CXADR: variants seen among roughly 807,000 people sequenced by gnomAD.
CXADR encodes the protein coxsackievirus and adenovirus receptor.
A neutral mutation model predicts 40.3 loss-of-function variants in CXADR; 20 were observed. That is an observed-to-expected ratio of 0.50 (90% CI 0.35 to 0.72). CXADR has a LOEUF of 0.72. Among genes scored for constraint, CXADR ranks in the 30% least tolerant of loss-of-function variants. CXADR has a pLI of 0.01. For synonymous variants in CXADR, 150 were observed against 161.3 expected, an observed-to-expected ratio of 0.93 and a Z score of 0.53; for missense variants, 332 against 449.1, an observed-to-expected ratio of 0.74 and a Z score of 2.36.
intron 1 of CXADR, among the ~76,000 whole-genome samples, chr21:17,520,388 T>G (rs1269878610): frequency 1.3e-5 from 2 of 152,174 alleles, no homozygotes; most frequent in Non-Finnish European, 2.9e-5. Flanking sequence ...TCTGAATGAT[T>G]CTTACAAGGA....
At chr21:17,580,832 C>T (rs2776077) in intron 7 of CXADR, among the ~76,000 whole-genome samples, 26,000 of 151,976 alleles carry the variant, frequency 0.17, 2,585 homozygotes, top group East Asian at 0.22. Flanking sequence ...CTCACTGCAG[C>T]CTCAACCTCC....
the CXADR span, among the ~76,000 whole-genome samples, chr21:17,625,141 A>T: frequency 6.6e-6 from 1 of 152,116 alleles, no homozygotes; most frequent in African/African-American, 2.4e-5. Flanking sequence ...TTGAATCACC[A>T]AAAAAGCCCC....
rs2061072342 is a variant in CXADR at position 17,559,035 on chromosome 21, A to C, written c.475A>C (p.Lys159Gln). The C allele has an allele frequency of 6.2e-7, 1 of 1,614,100 alleles. No homozygotes were observed. The change falls in exon 4 of 7, where the codon AAG becomes CAG. Residue 159 changes from lysine (K) to glutamine (Q), a missense_variant. Coordinates refer to ENST00000284878, the MANE Select transcript of CXADR (RefSeq NM_001338.5). ...ATCTGAAGAAATTGGAAGTGACTTT[A>C]AGATAAAATGTGAACCAAAAGAAGG... ...DGSEEIGSDFKIKCEPKEGSL... is the reference protein window; with the variant it reads ...DGSEEIGSDFQIKCEPKEGSL...
In CXADR at chr21:17,558,984, T is replaced by G; in HGVS notation, c.424T>G (p.Ser142Ala). ...KIHLVVLVKP[S>A]GARCYVDGSE... ...TTTGTTTTCTCTTTCAGTTAAGCCTTCAGGTGCGAGATGTTACGTTGATGG... is the reference window on the plus strand; with the variant it reads ...TTTGTTTTCTCTTTCAGTTAAGCCTGCAGGTGCGAGATGTTACGTTGATGG... The change falls in exon 4 of 7, where the codon TCA (serine) becomes GCA (alanine). Residue 142 changes from serine to alanine, a missense_variant. Ser to Ala is a moderately conservative substitution (Grantham distance 99). Transcript: ENST00000284878. 6.2e-7 allele frequency: 1 copy of G among 1,609,946 alleles called. No homozygotes were observed. Among genetic ancestry groups the G allele is most frequent in the Non-Finnish European group, 8.5e-7 (1 of 1,178,520 alleles).
the CXADR span, among the ~76,000 whole-genome samples, chr21:17,622,665 G>A: frequency 3.3e-5 from 5 of 152,078 alleles, no homozygotes; most frequent in Non-Finnish European, 7.4e-5. Context: ...ACACAATGGA[G>A]GTATTATGTA....
chr21:17,517,975 C>T (rs766156494), intron 1 of CXADR, among the ~76,000 whole-genome samples: 7 of 152,170 alleles, frequency 4.6e-5, no homozygotes, highest in Non-Finnish European at 1.0e-4. Flanking sequence ...CAAAATACCT[C>T]AAGACATTTT....
rs191784351 is a variant in CXADR, at chr21:17,550,269, G to A, written c.211-1480G>A. On this transcript the variant is annotated intron_variant, in intron 2 of 6. Transcript: ENST00000284878. ...CTCGGGAGGCTGAGGCAGGAGAATC[G>A]CTTTAACCCAGGAGGTGGAGGTTGC... 4.3e-4 allele frequency among the ~76,000 whole-genome samples: 65 copies of A among 149,740 alleles called. No individual in the cohort carries two copies. The East Asian group carries it at 0.01, about 24-fold the overall frequency.
chr21:17,612,148 C>T, the CXADR span: 1 of 152,376 alleles, frequency 6.6e-6, no homozygotes, highest in Non-Finnish European at 1.5e-5. Context: ...TGAGCTGCGC[C>T]CAACTTCTGC....
intron 1 of CXADR, 50 bp downstream of exon 1, chr21:17,513,222 C>G (rs778265191): frequency 2.3e-5 from 31 of 1,337,390 alleles, no homozygotes; most frequent in Non-Finnish European, 3.0e-5. Flanking sequence ...CGGGGGCGCT[C>G]GCTGCCCGCG....
intron 5 of CXADR, among the ~76,000 whole-genome samples, 158 bp downstream of exon 5, chr21:17,560,982 TA>T (rs768941732): frequency 6.6e-6 from 1 of 152,272 alleles, no homozygotes; most frequent in East Asian, 1.9e-4. Context: ...TACATTTTAT[TA>T]AAAAAACTTC....
chr21:17,542,491 T>C (rs1423485848), intron 1 of CXADR, among the ~76,000 whole-genome samples: 2 of 152,178 alleles, frequency 1.3e-5, no homozygotes, highest in Admixed American at 1.3e-4. Context: ...TGCTCAGATA[T>C]AAGTCAGACT....
At chr21:17,621,353 G>T in the CXADR span, among the ~76,000 whole-genome samples, 2 of 152,166 alleles carry the variant, frequency 1.3e-5, no homozygotes, top group Admixed American at 6.5e-5. Context: ...TGAGGATGGG[G>T]TGGGGACGGG....
In CXADR at chr21:17,592,547, G is replaced by A. The variant is rs545608586; in HGVS notation, c.1018-605G>A. Among the ~76,000 whole-genome samples the A allele has an allele frequency of 5.3e-5, 8 of 151,762 alleles. No individual in the cohort carries two copies. In the South Asian group the frequency reaches 1.2e-3, roughly 24 times the overall value. On this transcript the variant is annotated intron_variant, in intron 7 of 7. Coordinates refer to the CXADR transcript ENST00000400169. The stretch of plus-strand genomic sequence containing the variant: ...AATACTTGAAACTTTCCAACTTTAC[G>A]CCAATCACCTACAAATCTGTCATTA...
At chr21:17,613,872 G>A in the CXADR span, 1 of 152,024 alleles carries the variant, frequency 6.6e-6, no homozygotes, top group Non-Finnish European at 1.5e-5. Context: ...ATTAAAAGAG[G>A]GCTAAACCAT....
rs1390973279 is a variant in CXADR, at chr21:17,576,162, T to C, written c.1017+10551T>C. On this transcript the variant is annotated intron_variant, in intron 7 of 7. Transcript: ENST00000400169. The stretch of plus-strand genomic sequence containing the variant: ...AACATGCCCAACAGGGTTCCATTGA[T>C]TGAACAAATTTAATTTGGTGCAAAT... 2.0e-5 allele frequency among the ~76,000 whole-genome samples: 3 copies of C among 152,022 alleles called. No homozygotes were observed. In the South Asian group the frequency reaches 6.2e-4, roughly 32 times the overall value.
the CXADR span, chr21:17,605,164 A>G: frequency 1.4e-6 from 1 of 719,806 alleles, no homozygotes; most frequent in East Asian, 3.0e-5. Context: ...TGTGAACTAC[A>G]GGCACAGAGG....
chr21:17,534,487 T>G (rs1452549749), intron 1 of CXADR, among the ~76,000 whole-genome samples: 2 of 152,162 alleles, frequency 1.3e-5, no homozygotes, highest in Admixed American at 1.3e-4. Flanking sequence ...ACTCACTATT[T>G]AGATGACTTT....
At chr21:17,580,234 A>C (rs533279138) in intron 7 of CXADR, among the ~76,000 whole-genome samples, 1 of 152,362 alleles carries the variant, frequency 6.6e-6, no homozygotes, top group South Asian at 2.1e-4. Context: ...CCTAGACAAG[A>C]GTTGGCGAAA....
intron 7 of CXADR, among the ~76,000 whole-genome samples, chr21:17,591,159 A>G (rs941298871): frequency 9.2e-5 from 14 of 152,004 alleles, no homozygotes; most frequent in African/African-American, 3.4e-4. Context: ...GTACCATGGC[A>G]TGGGCCTTAA....
Sources: allele counts gnomAD v4.1 joint callset (sites outside exome capture counted in the v4.1 genomes callset), GRCh38; gene constraint gnomAD v4.1.1; transcripts MANE v1.5; gene names NCBI Gene and HGNC (gene_info 2026-07-23, HGNC 2026-07-21).